The following USP17L10 variants were observed in gnomAD, a reference collection of about 807,000 sequenced individuals.
USP17L10 encodes ubiquitin carboxyl-terminal hydrolase 17-like protein 10.
For synonymous variants in USP17L10, 3 were observed against 5.9 expected (o/e 0.50, Z 0.72); for missense variants, 6 against 16.4 (o/e 0.37, Z 1.10).
rs1577269593 is a variant in USP17L10, at chr4:9,211,141, A to G, written c.485A>G (p.His162Arg). ...CATAGAGGCAAGCAGGAAGATGCCC[A>G]TGAATTTCTCATGTTCACTGTGGAT... ...GFHRGKQEDA[H>R]EFLMFTVDAM... The change falls in exon 1 of 1, where the codon CAT becomes CGT. Residue 162 changes from histidine (H) to arginine (R), a missense_variant. His to Arg is a conservative substitution (Grantham distance 29). Coordinates refer to ENST00000417945, the MANE Select transcript of USP17L10 (RefSeq NM_001256852.1). 3.6e-6 allele frequency: 1 copy of G among 274,404 alleles called. No individual in the cohort carries two copies. Among genetic ancestry groups the G allele is most frequent in the Non-Finnish European group, 5.0e-6 (1 of 198,538 alleles). The allele number at this position is 274,404 out of a possible 1,614,324, so 17.0% of individuals were successfully genotyped here.
chr4:9,211,892 C>G lies in USP17L10; in HGVS notation c.1236C>G (p.His412Gln). 1 of 203,938 alleles carries G rather than the reference C, an allele frequency of 4.9e-6. No individual in the cohort carries two copies. The allele number at this position is 203,938 out of a possible 1,614,324, so 12.6% of individuals were successfully genotyped here. A position where few individuals can be genotyped will look rare whatever the true frequency, so the allele number is the denominator to read the frequency against. Residue 412 changes from histidine (H) to glutamine (Q), a missense_variant, in exon 1 of 1, where the codon CAC becomes CAG. Coordinates refer to ENST00000417945, the MANE Select transcript of USP17L10 (RefSeq NM_001256852.1). ...RATQGELKRDHPCLQAPELDE... is the reference protein window; with the variant it reads ...RATQGELKRDQPCLQAPELDE... ...CGCAAGGAGAGCTCAAGAGAGACCACCCCTGCCTCCAGGCCCCCGAGTTGG... is the reference window on the plus strand; with the variant it reads ...CGCAAGGAGAGCTCAAGAGAGACCAGCCCTGCCTCCAGGCCCCCGAGTTGG...
In USP17L10 at chr4:9,212,037, C is replaced by G; in HGVS notation, c.1381C>G (p.Pro461Ala). 3.7e-6 allele frequency: 1 copy of G among 273,218 alleles called. No individual in the cohort carries two copies. Among genetic ancestry groups the G allele is most frequent in the Non-Finnish European group, 5.1e-6 (1 of 197,178 alleles). The allele number at this position is 273,218 out of a possible 1,614,324, so 16.9% of individuals were successfully genotyped here. A position where few individuals can be genotyped will look rare whatever the true frequency, so the allele number is the denominator to read the frequency against. ...NVRRVEGTVP[P>A]DVLVIHQSKY... ...CAGAAGAGTCGAAGGTACGGTGCCT[C>G]CCGACGTACTTGTGATTCATCAATC... The change falls in exon 1 of 1, where the codon CCC (proline) becomes GCC (alanine). Residue 461 changes from proline (P) to alanine (A), a missense_variant. Coordinates refer to ENST00000417945, the MANE Select transcript of USP17L10 (RefSeq NM_001256852.1).
chr4:9,211,500 A>G lies in USP17L10; in HGVS notation c.844A>G (p.Arg282Gly). The change falls in exon 1 of 1, where the codon AGA becomes GGA. Residue 282 changes from arginine to glycine, a missense_variant. Physicochemically the swap from Arg to Gly is moderately radical, Grantham distance 125. Transcript: ENST00000417945. ...CAAGGTCCTCATCCTTGTATTGAAG[A>G]GATTCCCCGATGTCACAGGCAACAA... ...SAKVLILVLK[R>G]FPDVTGNKIA... 1 of 275,436 alleles carries G rather than the reference A, an allele frequency of 3.6e-6. No homozygotes were observed. Among genetic ancestry groups the G allele is most frequent in the East Asian group, 1.5e-4 (1 of 6,868 alleles). The allele number at this position is 275,436 out of a possible 1,614,324, so 17.1% of individuals were successfully genotyped here.
In USP17L10 at chr4:9,212,110, C is replaced by T. The variant is rs781041896; in HGVS notation, c.1454C>T (p.Ser485Phe). 3.7e-6 allele frequency: 1 copy of T among 272,096 alleles called. No individual in the cohort carries two copies. Among genetic ancestry groups the T allele is most frequent in the Admixed American group, 6.8e-5 (1 of 14,698 alleles). The allele number at this position is 272,096 out of a possible 1,614,324, so 16.9% of individuals were successfully genotyped here. A position where few individuals can be genotyped will look rare whatever the true frequency, so the allele number is the denominator to read the frequency against. ...AACCATCATCCTGAACAGCAAAGCT[C>T]CCTGCTAAACCTCTCTTCGACGACC... ...MKNHHPEQQSSLLNLSSTTPT... is the reference protein window; with the variant it reads ...MKNHHPEQQSFLLNLSSTTPT... Residue 485 changes from serine (S) to phenylalanine (F), a missense_variant, in exon 1 of 1, where the codon TCC (serine) becomes TTC (phenylalanine). By Grantham distance (155) the Ser-to-Phe change is radical (BLOSUM62 -2). Transcript: ENST00000417945.
In USP17L10 at chr4:9,210,673, T is replaced by A; in HGVS notation, c.17T>A (p.Leu6His). The A allele has an allele frequency of 4.9e-6, 3 of 614,856 alleles. No homozygotes were observed. Among genetic ancestry groups the A allele is most frequent in the Admixed American group, 6.4e-5 (2 of 31,072 alleles). 38.1% of individuals were successfully genotyped at this position (614,856 alleles called of 1,614,324 possible). The change falls in exon 1 of 1, where the codon CTC becomes CAC. Residue 6 changes from leucine to histidine, a missense_variant. Physicochemically the swap from Leu to His is moderately conservative, Grantham distance 99 (BLOSUM62 -3). Coordinates refer to ENST00000417945, the MANE Select transcript of USP17L10 (RefSeq NM_001256852.1). The part of the protein sequence containing the change: MEDDS[L>H]YLGGEWQFNH... ...CCAGTCGACATGGAGGACGACTCACTCTACTTGGGAGGTGAGTGGCAGTTC... is the reference window on the plus strand; with the variant it reads ...CCAGTCGACATGGAGGACGACTCACACTACTTGGGAGGTGAGTGGCAGTTC...
chr4:9,211,660 A>T lies in USP17L10; in HGVS notation c.1004A>T (p.Tyr335Phe). The T allele has an allele frequency of 2.0e-5, 5 of 254,548 alleles. 2 individuals are homozygous for T. The allele number at this position is 254,548 out of a possible 1,614,324, so 15.8% of individuals were successfully genotyped here. The change falls in exon 1 of 1, where the codon TAC becomes TTC. Residue 335 changes from tyrosine (Y) to phenylalanine (F), a missense_variant. Coordinates refer to ENST00000417945, the MANE Select transcript of USP17L10 (RefSeq NM_001256852.1). ...GGGTGGAGTTGTCACAACGGACATT[A>T]CTCCTCTTATGTCAAAGCTCAAGAA... ...HAGWSCHNGH[Y>F]SSYVKAQEGQ...
At position 9,212,057 on chromosome 4, in the gene USP17L10, T is replaced by A; in HGVS notation, c.1401T>A (p.His467Gln). 1.5e-5 allele frequency: 4 copies of A among 272,186 alleles called. 2 individuals are homozygous for A. The highest frequency in any genetic ancestry group is 2.0e-5 in the Non-Finnish European group (4 of 196,364). The allele number at this position is 272,186 out of a possible 1,614,324, so 16.9% of individuals were successfully genotyped here. A position where few individuals can be genotyped will look rare whatever the true frequency, so the allele number is the denominator to read the frequency against. Residue 467 changes from histidine (H) to glutamine (Q), a missense_variant, in exon 1 of 1, where the codon CAT becomes CAA. Physicochemically the swap from His to Gln is conservative, Grantham distance 24 (BLOSUM62 0). Coordinates refer to ENST00000417945, the MANE Select transcript of USP17L10 (RefSeq NM_001256852.1). The stretch of plus-strand genomic sequence containing the variant: ...TGCCTCCCGACGTACTTGTGATTCA[T>A]CAATCAAAATACAAGTGTCGGATGA... ...GTVPPDVLVI[H>Q]QSKYKCRMKN...
chr4:9,210,849 A>G lies in USP17L10; in HGVS notation c.193A>G (p.Arg65Gly). The change falls in exon 1 of 1, where the codon AGG (arginine) becomes GGG (glycine). Residue 65 changes from arginine (R) to glycine (G), a missense_variant. Transcript: ENST00000417945. ...TCCTGTGGCAAGACAGCTTGCTCCCAGGGAGAAGCCTCCTCTGAGTAGCAG... is the reference window on the plus strand; with the variant it reads ...TCCTGTGGCAAGACAGCTTGCTCCCGGGGAGAAGCCTCCTCTGAGTAGCAG... ...LAPVARQLAP[R>G]EKPPLSSRRP... 3.6e-6 allele frequency: 1 copy of G among 279,378 alleles called. No individual in the cohort carries two copies. Among genetic ancestry groups the G allele is most frequent in the Non-Finnish European group, 5.0e-6 (1 of 201,466 alleles). The allele number at this position is 279,378 out of a possible 1,614,324, so 17.3% of individuals were successfully genotyped here. A position where few individuals can be genotyped will look rare whatever the true frequency, so the allele number is the denominator to read the frequency against.
chr4:9,211,181 A>C lies in USP17L10; in HGVS notation c.525A>C (p.Ala175=). 7.3e-6 allele frequency: 2 copies of C among 274,444 alleles called. 1 individual carries two copies. The highest frequency in any genetic ancestry group is 1.0e-5 in the Non-Finnish European group (2 of 199,300). The allele number at this position is 274,444 out of a possible 1,614,324, so 17.0% of individuals were successfully genotyped here. A position where few individuals can be genotyped will look rare whatever the true frequency, so the allele number is the denominator to read the frequency against. The stretch of plus-strand genomic sequence containing the variant: ...TCACTGTGGATGCCATGAGAAAGGC[A>C]TGCCTTCCCGGGCACAAGCAGGTAG... ...LMFTVDAMRK[A]CLPGHKQVDR... is the part of the protein sequence containing the mutation. The change falls in exon 1 of 1, where the codon GCA becomes GCC. Residue 175 remains alanine (A), a synonymous_variant. Transcript: ENST00000417945.
rs1292086518 is a variant in USP17L10 at position 9,211,006 on chromosome 4, G to C, written c.350G>C (p.Cys117Ser). The stretch of plus-strand genomic sequence containing the variant: ...CTGTTCCGGGAGCACTCTCAAACGT[G>C]TCATCGTCACAAGGGCTGCATGCTC... ...YMLFREHSQT[C>S]HRHKGCMLCT... Residue 117 changes from cysteine to serine, a missense_variant, in exon 1 of 1, where the codon TGT (cysteine) becomes TCT (serine). Physicochemically the swap from Cys to Ser is moderately radical, Grantham distance 112. Coordinates refer to ENST00000417945, the MANE Select transcript of USP17L10 (RefSeq NM_001256852.1). 6 of 277,584 alleles carry C rather than the reference G, an allele frequency of 2.2e-5. 3 individuals are homozygous for C. In the Admixed American group the frequency reaches 3.9e-4, roughly 18 times the overall value. The allele number at this position is 277,584 out of a possible 1,614,324, so 17.2% of individuals were successfully genotyped here.
Position 9,211,555 on chromosome 4 carries a change from G to T in USP17L10, c.899G>T (p.Cys300Phe). 7.6e-6 allele frequency: 2 copies of T among 263,936 alleles called. 1 individual carries two copies. Among genetic ancestry groups the T allele is most frequent in the South Asian group, 8.4e-5 (2 of 23,684 alleles). The allele number at this position is 263,936 out of a possible 1,614,324, so 16.3% of individuals were successfully genotyped here. ...KIAKNVQYPE[C>F]LDMQPYMSQQ... is the part of the protein sequence containing the mutation. The stretch of plus-strand genomic sequence containing the variant: ...GCCAAGAATGTGCAATATCCTGAGT[G>T]CCTTGACATGCAGCCATACATGTCT... The change falls in exon 1 of 1, where the codon TGC (cysteine) becomes TTC (phenylalanine). Residue 300 changes from cysteine (C) to phenylalanine (F), a missense_variant. By Grantham distance (205) the Cys-to-Phe change is radical. Coordinates refer to ENST00000417945, the MANE Select transcript of USP17L10 (RefSeq NM_001256852.1).
chr4:9,211,011 C>T lies in USP17L10; in HGVS notation c.355C>T (p.Arg119Cys). The part of the protein sequence containing the change: ...LFREHSQTCH[R>C]HKGCMLCTMQ... The stretch of plus-strand genomic sequence containing the variant: ...CCGGGAGCACTCTCAAACGTGTCAT[C>T]GTCACAAGGGCTGCATGCTCTGTAC... Residue 119 changes from arginine to cysteine, a missense_variant, in exon 1 of 1, where the codon CGT becomes TGT. By Grantham distance (180) the Arg-to-Cys change is radical (BLOSUM62 -3). Coordinates refer to ENST00000417945, the MANE Select transcript of USP17L10 (RefSeq NM_001256852.1). 7.2e-6 allele frequency: 2 copies of T among 277,566 alleles called. 1 individual carries two copies. Among genetic ancestry groups the T allele is most frequent in the Non-Finnish European group, 1.0e-5 (2 of 199,860 alleles). 17.2% of individuals were successfully genotyped at this position (277,566 alleles called of 1,614,324 possible).
In USP17L10 at chr4:9,211,692, T is replaced by C; in HGVS notation, c.1036T>C (p.Trp346Arg). 5.1e-6 allele frequency: 1 copy of C among 195,722 alleles called. No homozygotes were observed. Among genetic ancestry groups the C allele is most frequent in the Non-Finnish European group, 7.7e-6 (1 of 130,076 alleles). The allele number at this position is 195,722 out of a possible 1,614,324, so 12.1% of individuals were successfully genotyped here. A position where few individuals can be genotyped will look rare whatever the true frequency, so the allele number is the denominator to read the frequency against. Residue 346 changes from tryptophan to arginine, a missense_variant, in exon 1 of 1, where the codon TGG (tryptophan) becomes CGG (arginine). Coordinates refer to ENST00000417945, the MANE Select transcript of USP17L10 (RefSeq NM_001256852.1). ...TTATGTCAAAGCTCAAGAAGGCCAG[T>C]GGTATAAAATGGATGATGCCGAGGT... ...SSYVKAQEGQ[W>R]YKMDDAEVTA...
chr4:9,211,755 G>A lies in USP17L10; in HGVS notation c.1099G>A (p.Ala367Thr), dbSNP rs1468249288. The A allele has an allele frequency of 8.2e-6, 1 of 122,510 alleles. No homozygotes were observed. Among genetic ancestry groups the A allele is most frequent in the South Asian group, 6.2e-5 (1 of 16,180 alleles). The allele number at this position is 122,510 out of a possible 1,614,324, so 7.6% of individuals were successfully genotyped here. ...SSITSVLSQQAYVLFYIQKSE... is the reference protein window; with the variant it reads ...SSITSVLSQQTYVLFYIQKSE... ...CATCACTTCTGTCCTGAGTCAACAG[G>A]CCTACGTCCTCTTTTACATCCAGAA... Residue 367 changes from alanine to threonine, a missense_variant, in exon 1 of 1, where the codon GCC becomes ACC. By Grantham distance (58) the Ala-to-Thr change is moderately conservative. Coordinates refer to ENST00000417945, the MANE Select transcript of USP17L10 (RefSeq NM_001256852.1).
At position 9,211,713 on chromosome 4, in the gene USP17L10, G is replaced by A; in HGVS notation, c.1057G>A (p.Glu353Lys). ...CCAGTGGTATAAAATGGATGATGCC[G>A]AGGTCACCGCCTCTAGCATCACTTC... The part of the protein sequence containing the change: ...EGQWYKMDDA[E>K]VTASSITSVL... The change falls in exon 1 of 1, where the codon GAG becomes AAG. Residue 353 changes from glutamate to lysine, a missense_variant. Transcript: ENST00000417945. The A allele has an allele frequency of 1.3e-5, 2 of 149,262 alleles. 1 individual carries two copies. Among genetic ancestry groups the A allele is most frequent in the African/African-American group, 8.5e-4 (2 of 2,346 alleles). The allele number at this position is 149,262 out of a possible 1,614,324, so 9.2% of individuals were successfully genotyped here.
chr4:9,211,092 T>A lies in USP17L10; in HGVS notation c.436T>A (p.Ser146Thr). 2 of 274,670 alleles carry A rather than the reference T, an allele frequency of 7.3e-6. 1 individual carries two copies. The highest frequency in any genetic ancestry group is 1.0e-5 in the Non-Finnish European group (2 of 197,898). The allele number at this position is 274,670 out of a possible 1,614,324, so 17.0% of individuals were successfully genotyped here. ...LHIPGHVIQP[S>T]QALAAGFHRG... The stretch of plus-strand genomic sequence containing the variant: ...CATTCCTGGCCATGTCATCCAGCCC[T>A]CACAGGCATTGGCTGCTGGCTTCCA... Residue 146 changes from serine to threonine, a missense_variant, in exon 1 of 1, where the codon TCA becomes ACA. By Grantham distance (58) the Ser-to-Thr change is moderately conservative. Transcript: ENST00000417945.
Position 9,211,993 on chromosome 4 carries a change from C to A in USP17L10, c.1337C>A (p.Thr446Lys). 2 of 272,516 alleles carry A rather than the reference C, an allele frequency of 7.3e-6. 1 individual carries two copies. Among genetic ancestry groups the A allele is most frequent in the Non-Finnish European group, 1.0e-5 (2 of 196,892 alleles). The allele number at this position is 272,516 out of a possible 1,614,324, so 16.9% of individuals were successfully genotyped here. ...HWKFLQEQNK[T>K]KPEFNVRRVE... ...AAATTCCTTCAAGAGCAAAACAAAACGAAGCCTGAGTTCAACGTCAGAAGA... is the reference window on the plus strand; with the variant it reads ...AAATTCCTTCAAGAGCAAAACAAAAAGAAGCCTGAGTTCAACGTCAGAAGA... The change falls in exon 1 of 1, where the codon ACG becomes AAG. Residue 446 changes from threonine (T) to lysine (K), a missense_variant. Coordinates refer to ENST00000417945, the MANE Select transcript of USP17L10 (RefSeq NM_001256852.1).
chr4:9,210,737 AG>A lies in USP17L10; in HGVS notation c.82del (p.Ala28LeufsTer43). On this transcript the variant is annotated frameshift_variant, in exon 1 of 1. Transcript: ENST00000417945. LOFTEE classifies it low-confidence loss of function (END_TRUNC). Reference protein sequence around the residue: ...SKLTSSRPDAAFAEIQRTSLP... With the variant: ...SKLTSSRPDAXFAEIQRTSLP... ...AACTCACATCTTCTCGGCCAGATGC[AG>A]CTTTTGCTGAAATCCAGCGTACTTC... is the stretch of plus-strand genomic sequence containing the variant. 1.9e-6 allele frequency: 1 copy of A among 538,536 alleles called. No homozygotes were observed. Among genetic ancestry groups the A allele is most frequent in the Non-Finnish European group, 2.7e-6 (1 of 363,950 alleles). 33.4% of individuals were successfully genotyped at this position (538,536 alleles called of 1,614,324 possible).
Position 9,210,977 on chromosome 4 carries a change from C to T in USP17L10, c.321C>T (p.Tyr107=), listed in dbSNP as rs1206692770. ...CATACAAACCGCCACTTGCCAACTA[C>T]ATGCTGTTCCGGGAGCACTCTCAAA... The part of the protein sequence containing the change: ...CLTYKPPLAN[Y]MLFREHSQTC... Residue 107 remains tyrosine (Y), a synonymous_variant, in exon 1 of 1, where the codon TAC becomes TAT. Transcript: ENST00000417945. The T allele has an allele frequency of 7.2e-6, 2 of 276,806 alleles. 1 individual carries two copies. Among genetic ancestry groups the T allele is most frequent in the Non-Finnish European group, 1.0e-5 (2 of 199,392 alleles). 17.1% of individuals were successfully genotyped at this position (276,806 alleles called of 1,614,324 possible).
Sources: allele counts gnomAD v4.1 joint callset, GRCh38; gene constraint gnomAD v4.1.1; transcripts MANE v1.5; gene names NCBI Gene and HGNC (gene_info 2026-07-23, HGNC 2026-07-21).